ATF6: variants seen among roughly 807,000 people sequenced by gnomAD.
The protein encoded by ATF6 is activating transcription factor 6.
ATF6 carries 53 observed loss-of-function variants against 83.6 expected under a neutral mutation model. The ratio of observed to expected loss-of-function variants is 0.63; its 90% CI spans 0.51 to 0.80. ATF6 has a LOEUF of 0.80. Among genes scored for constraint, ATF6 ranks in the 30% least tolerant of loss-of-function variants. ATF6 has a pLI of 0.00. For synonymous variants in ATF6, 288 were observed against 285.8 expected, an observed-to-expected ratio of 1.01 and a Z score of -0.08; for missense variants, 744 against 797.9, an observed-to-expected ratio of 0.93 and a Z score of 0.81.
chr1:161,898,421 G>T (rs965303752), intron 14 of ATF6, among the ~76,000 whole-genome samples: 1 of 152,072 alleles, frequency 6.6e-6, no homozygotes, highest in African/African-American at 2.4e-5. Context: ...GTACCTATAG[G>T]CAGTTAGGCT....
chr1:161,952,275 C>T (rs1382012697), intron 15 of ATF6, among the ~76,000 whole-genome samples: 1 of 152,094 alleles, frequency 6.6e-6, no homozygotes. Context: ...TGCCAGTCCT[C>T]TCCACTAAAA....
chr1:161,889,908 T>G (rs1687510971), intron 14 of ATF6, among the ~76,000 whole-genome samples: 1 of 152,222 alleles, frequency 6.6e-6, no homozygotes, highest in Admixed American at 6.5e-5. Context: ...TTTTTTCACT[T>G]TTTATTTTGA....
intron 9 of ATF6, among the ~76,000 whole-genome samples, chr1:161,830,445 T>C (rs1397409385): frequency 6.6e-6 from 1 of 152,186 alleles, no homozygotes; most frequent in Non-Finnish European, 1.5e-5. Flanking sequence ...TGGAAAAAAC[T>C]ACTTTGAAGT....
At chr1:161,915,607 C>T (rs996324518) in intron 15 of ATF6, among the ~76,000 whole-genome samples, 5 of 151,734 alleles carry the variant, frequency 3.3e-5, no homozygotes, top group Non-Finnish European at 7.4e-5. Flanking sequence ...GGGTCATTCC[C>T]ATCAGCATAC....
At chr1:161,830,463 G>A (rs946703660) in intron 9 of ATF6, among the ~76,000 whole-genome samples, 1 of 152,012 alleles carries the variant, frequency 6.6e-6, no homozygotes, top group Admixed American at 6.6e-5. Context: ...AGTTCATATG[G>A]AACCAAAAAA....
chr1:161,823,727 G>A (rs1685817422), intron 9 of ATF6, among the ~76,000 whole-genome samples: 1 of 152,064 alleles, frequency 6.6e-6, no homozygotes, highest in Admixed American at 6.6e-5. Flanking sequence ...ATATTGTTTG[G>A]GTTGAAATAA....
At chr1:161,912,074 C>G (rs1253160805) in intron 14 of ATF6, among the ~76,000 whole-genome samples, 1 of 152,138 alleles carries the variant, frequency 6.6e-6, no homozygotes, top group Non-Finnish European at 1.5e-5. Flanking sequence ...TTTCCAAGAT[C>G]ACTGCATAGT....
intron 9 of ATF6, among the ~76,000 whole-genome samples, chr1:161,825,295 G>A (rs1002713589): frequency 1.6e-4 from 25 of 152,060 alleles, no homozygotes; most frequent in Non-Finnish European, 3.2e-4. Flanking sequence ...TCCTTCCTTG[G>A]CCTTCCGAAG....
At chr1:161,945,296 A>G (rs1688726936) in intron 15 of ATF6, among the ~76,000 whole-genome samples, 1 of 152,194 alleles carries the variant, frequency 6.6e-6, no homozygotes, top group African/African-American at 2.4e-5. Flanking sequence ...GAAACAAAAC[A>G]CCAATGCCCT....
intron 7 of ATF6, among the ~76,000 whole-genome samples, chr1:161,812,694 G>T (rs534140705): frequency 6.6e-6 from 1 of 152,022 alleles, no homozygotes; most frequent in East Asian, 1.9e-4. Context: ...GCCCGGCCAG[G>T]AGCAGGTATT....
intron 15 of ATF6, among the ~76,000 whole-genome samples, chr1:161,926,616 C>T (rs1426655544): frequency 6.6e-6 from 1 of 152,190 alleles, no homozygotes; most frequent in African/African-American, 2.4e-5. Flanking sequence ...CTGCTGCGTG[C>T]TGTTGGTTAC....
intron 9 of ATF6, among the ~76,000 whole-genome samples, chr1:161,823,628 G>C (rs1685814973): frequency 6.6e-6 from 1 of 151,938 alleles, no homozygotes; most frequent in African/African-American, 2.4e-5. Context: ...GCTTCTTTAG[G>C]TCAAATCAAT....
At chr1:161,796,987 T>C (rs1055348318) in intron 6 of ATF6, among the ~76,000 whole-genome samples, 3 of 152,162 alleles carry the variant, frequency 2.0e-5, no homozygotes. Flanking sequence ...TAATTTCTTA[T>C]TGTTATTAAA....
chr1:161,957,528 A>G (rs997859463), intron 15 of ATF6, among the ~76,000 whole-genome samples: 7 of 152,230 alleles, frequency 4.6e-5, no homozygotes, highest in African/African-American at 1.7e-4. Flanking sequence ...ATGACCACCC[A>G]GAATTACAAA....
Position 161,903,101 on chromosome 1 carries a change from T to A in ATF6, c.1720-9195T>A, listed in dbSNP as rs4278352. Among the ~76,000 whole-genome samples the A allele has an allele frequency of 2.0e-3, 308 of 152,224 alleles. 1 individual carries two copies. The highest frequency in any genetic ancestry group is 7.2e-3 in the African/African-American group (298 of 41,522). On this transcript the variant is annotated intron_variant, in intron 14 of 15. Transcript: ENST00000367942. Reference sequence around the variant, plus strand: ...AATTTAATTTAGTTTCTTCCAACTCTGCTCTCCACCACTTCCTTGCCCCTA... The same window carrying A: ...AATTTAATTTAGTTTCTTCCAACTCAGCTCTCCACCACTTCCTTGCCCCTA...
chr1:161,834,221 C>T (rs1016804483), intron 9 of ATF6, among the ~76,000 whole-genome samples: 1 of 152,136 alleles, frequency 6.6e-6, no homozygotes, highest in African/African-American at 2.4e-5. Context: ...GATTTTGTCA[C>T]CACCAGGCCT....
intron 14 of ATF6, among the ~76,000 whole-genome samples, chr1:161,908,033 ATTAG>A (rs1341163750): frequency 6.6e-6 from 1 of 152,328 alleles, no homozygotes; most frequent in East Asian, 1.9e-4. Flanking sequence ...TTTTCACACT[ATTAG>A]TTTATGTAAT....
At chr1:161,771,607 T>C (rs1037050804) in intron 1 of ATF6, among the ~76,000 whole-genome samples, 2 of 152,062 alleles carry the variant, frequency 1.3e-5, no homozygotes, top group East Asian at 3.8e-4. Context: ...CTCTTTCACT[T>C]TTCTTTTTTT....
intron 12 of ATF6, among the ~76,000 whole-genome samples, chr1:161,855,607 C>G (rs1232475284): frequency 1.3e-5 from 2 of 152,056 alleles, no homozygotes; most frequent in Non-Finnish European, 2.9e-5. Flanking sequence ...AGTGAGGTAC[C>G]AAGTTCTGGG....
Sources: gnomAD v4.1 joint callset for allele counts (sites outside exome capture counted in the v4.1 genomes callset) on GRCh38, gnomAD v4.1.1 for gene constraint, MANE v1.5 for transcripts, NCBI Gene and HGNC (gene_info 2026-07-23, HGNC 2026-07-21) for gene names.